MRPS21: variants seen among roughly 807,000 people sequenced by gnomAD.
MRPS21 encodes the protein mitochondrial ribosomal protein S21.
Under a neutral mutation model 9.9 loss-of-function variants are expected in MRPS21, and 8 were observed. The ratio of observed to expected loss-of-function variants is 0.81; its 90% CI spans 0.47 to 1.45. The LOEUF (loss-of-function observed/expected upper bound fraction) is 1.45, where lower values mean the gene tolerates loss of function less well. Ranked by LOEUF, MRPS21 falls within the 40% of genes most tolerant of loss-of-function variation. MRPS21 has a pLI of 0.00. For missense variants in MRPS21, 101 were observed against 118.9 expected (o/e 0.85, Z 0.70); for synonymous variants, 40 against 40.3 (o/e 0.99, Z 0.03).
Position 150,295,902 on chromosome 1 carries a change from T to G in MRPS21, c.83+1453T>G, listed in dbSNP as rs188974806. Among the ~76,000 whole-genome samples the G allele has an allele frequency of 3.3e-5, 5 of 151,724 alleles. No individual in the cohort carries two copies. In the East Asian group the frequency reaches 7.7e-4, roughly 23 times the overall value. On this transcript the variant is annotated intron_variant, in intron 2 of 2. Transcript: ENST00000614145. ...GGGTGGAGGAGCTTTATAGCTTCAT[T>G]GAAAATTTTTGAATGCCAGGCTAAG...
intron 2 of MRPS21, among the ~76,000 whole-genome samples, chr1:150,295,800 G>A (rs1052531730): frequency 7.0e-6 from 1 of 141,992 alleles, no homozygotes; most frequent in African/African-American, 2.6e-5. Flanking sequence ...GGGAAAAAAA[G>A]AAAGATGGGA....
chr1:150,299,842 G>A (rs1654053301), intron 2 of MRPS21, among the ~76,000 whole-genome samples: 1 of 151,508 alleles, frequency 6.6e-6, no homozygotes, highest in East Asian at 1.9e-4. Context: ...ATATTAGAGA[G>A]CCGGAGAGTG....
chr1:150,299,460 G>A (rs1475792773), intron 2 of MRPS21, among the ~76,000 whole-genome samples: 2 of 148,482 alleles, frequency 1.3e-5, no homozygotes. Context: ...TTGTTTGTTT[G>A]TTTGTTTGTT....
At chr1:150,305,062 C>T in intron 2 of MRPS21, 2 of 355,188 alleles carry the variant, frequency 5.6e-6, no homozygotes, top group Non-Finnish European at 1.1e-5. Context: ...GAAATAGGGT[C>T]TTGCTTGCCC....
chr1:150,303,493 C>G (rs1033822540), intron 2 of MRPS21, among the ~76,000 whole-genome samples: 6 of 152,184 alleles, frequency 3.9e-5, no homozygotes, highest in Non-Finnish European at 8.8e-5. Context: ...TCTAGCCCAG[C>G]TCTTCACTCC....
intron 2 of MRPS21, among the ~76,000 whole-genome samples, chr1:150,298,907 T>C (rs1654011250): frequency 6.6e-6 from 1 of 152,040 alleles, no homozygotes; most frequent in Non-Finnish European, 1.5e-5. Flanking sequence ...GCTGAACCAC[T>C]TCTTACAGTT....
chr1:150,305,291 G>A lies in MRPS21; in HGVS notation c.84-2757G>A, dbSNP rs587755129. 1.7e-4 allele frequency among the ~76,000 whole-genome samples: 26 copies of A among 152,036 alleles called. No individual in the cohort carries two copies. In the South Asian group the frequency reaches 3.9e-3, roughly 23 times the overall value. Reference sequence around the variant, plus strand: ...TGGGCTCAAGTGATCCTCCCAGCTCGGCCTCCCAAAGTCCTGGGATTACAG... The same window carrying A: ...TGGGCTCAAGTGATCCTCCCAGCTCAGCCTCCCAAAGTCCTGGGATTACAG... On this transcript the variant is annotated intron_variant, in intron 2 of 2. Transcript: ENST00000614145.
rs147732566 is a variant in MRPS21 at position 150,307,888 on chromosome 1, T to C, written c.84-160T>C. Among the ~76,000 whole-genome samples the C allele has an allele frequency of 1.2e-4, 19 of 152,322 alleles. No individual in the cohort carries two copies. The East Asian group carries it at 3.1e-3, about 25-fold the overall frequency. ...ACTGCACCCGGCCCACAGATTCTTA[T>C]TGAGGCCTTTGTAAGTAGGCAGTTA... On this transcript the variant is annotated intron_variant, in intron 2 of 2. Coordinates refer to ENST00000614145, the MANE Select transcript of MRPS21 (RefSeq NM_031901.6).
chr1:150,305,786 G>C (rs2101911609), intron 2 of MRPS21, among the ~76,000 whole-genome samples: 1 of 152,176 alleles, frequency 6.6e-6, no homozygotes, highest in South Asian at 2.1e-4. Flanking sequence ...GTAGAGATGG[G>C]GTTTCACCAT....
At chr1:150,300,767 TAAG>T (rs1553857505) in intron 2 of MRPS21, among the ~76,000 whole-genome samples, 1 of 152,208 alleles carries the variant, frequency 6.6e-6, no homozygotes, top group Non-Finnish European at 1.5e-5. Context: ...TTACCCTGGT[TAAG>T]AAGCACAGTA....
At chr1:150,298,052 G>T (rs1553856889) in intron 2 of MRPS21, among the ~76,000 whole-genome samples, 1 of 151,982 alleles carries the variant, frequency 6.6e-6, no homozygotes, top group East Asian at 1.9e-4. Context: ...TCCTGCCTCA[G>T]CCTCCTGAGT....
intron 2 of MRPS21, among the ~76,000 whole-genome samples, chr1:150,307,349 T>A (rs1177233911): frequency 0.57 from 52,260 of 91,460 alleles, 11,010 homozygotes; most frequent in East Asian, 0.72. Context: ...TGCCCAGTCC[T>A]TTTTTTTTTT....
intron 2 of MRPS21, among the ~76,000 whole-genome samples, chr1:150,299,712 C>G (rs1486546682): frequency 1.3e-5 from 2 of 152,194 alleles, no homozygotes; most frequent in Admixed American, 6.5e-5. Flanking sequence ...GCCTCTGTCT[C>G]CCAAAGTGCT....
intron 2 of MRPS21, among the ~76,000 whole-genome samples, chr1:150,306,955 G>A (rs1233505193): frequency 1.3e-5 from 2 of 152,086 alleles, no homozygotes; most frequent in African/African-American, 4.8e-5. Flanking sequence ...ATATCCCTCA[G>A]GTGTGTTGTG....
At position 150,308,387 on chromosome 1, in the gene MRPS21, C is replaced by G; in HGVS notation, c.*159C>G. On this transcript the variant is annotated 3_prime_UTR_variant, in exon 3 of 3. Coordinates refer to ENST00000614145, the MANE Select transcript of MRPS21 (RefSeq NM_031901.6). ...ATATAGAAACAATCCCATTAGTCAG[C>G]AGTGGACCCTGTCTTTTATTAAGTG... is the stretch of plus-strand genomic sequence containing the variant. 2 of 632,034 alleles carry G rather than the reference C, an allele frequency of 3.2e-6. No homozygotes were observed. The highest frequency in any genetic ancestry group is 5.6e-5 in the South Asian group (2 of 35,436). The allele number at this position is 632,034 out of a possible 1,614,324, so 39.2% of individuals were successfully genotyped here.
Position 150,297,156 on chromosome 1 carries a change from T to C in MRPS21, c.83+2707T>C, listed in dbSNP as rs113295339. On this transcript the variant is annotated intron_variant, in intron 2 of 2. Transcript: ENST00000614145. The stretch of plus-strand genomic sequence containing the variant: ...AATACAAAAGATTAGCCGGGCGTGG[T>C]GGCACACACCTGTAGTCCCAGCTAC... 9.0e-3 allele frequency among the ~76,000 whole-genome samples: 1,374 copies of C among 152,026 alleles called. 16 individuals carry two copies. The highest frequency in any genetic ancestry group is 0.031 in the African/African-American group (1,298 of 41,478).
chr1:150,296,750 T>C (rs1245693734), intron 2 of MRPS21, among the ~76,000 whole-genome samples: 1 of 114,294 alleles, frequency 8.7e-6, no homozygotes, highest in Non-Finnish European at 1.7e-5. Context: ...CAATGTTCTT[T>C]AATAATTATT....
intron 2 of MRPS21, among the ~76,000 whole-genome samples, chr1:150,305,675 A>G (rs1311886775): frequency 6.6e-6 from 1 of 151,492 alleles, no homozygotes; most frequent in African/African-American, 2.4e-5. Flanking sequence ...GCTCATTGCA[A>G]CCTCCACCTC....
At chr1:150,303,770 A>G (rs1654225962) in intron 2 of MRPS21, 2 of 349,694 alleles carry the variant, frequency 5.7e-6, no homozygotes, top group Non-Finnish European at 1.2e-5. Context: ...CCATCGTAGT[A>G]AAGGTAATAC....
Sources: gnomAD v4.1 joint callset for allele counts (sites outside exome capture counted in the v4.1 genomes callset) on GRCh38, gnomAD v4.1.1 for gene constraint, MANE v1.5 for transcripts, NCBI Gene and HGNC (gene_info 2026-07-23, HGNC 2026-07-21) for gene names.